PRKG1: variants seen among roughly 807,000 people sequenced by gnomAD.
PRKG1 encodes protein kinase cGMP-dependent 1.
In PRKG1, 35 loss-of-function variants were observed where a neutral mutation model predicts 88.1. The ratio of observed to expected loss-of-function variants is 0.40; its 90% CI spans 0.30 to 0.53. The LOEUF is 0.53. Among genes scored for constraint, PRKG1 ranks in the 20% least tolerant of loss-of-function variants. The pLI is 0.59. For missense variants in PRKG1, 540 were observed against 839.8 expected, an observed-to-expected ratio of 0.64 and a Z score of 4.41; for synonymous variants, 303 against 292.5, an observed-to-expected ratio of 1.04 and a Z score of -0.37.
At chr10:51,861,868 C>T in intron 4 of PRKG1, among the ~76,000 whole-genome samples, 2 of 152,324 alleles carry the variant, frequency 1.3e-5, no homozygotes, top group South Asian at 4.1e-4. Context: ...GGGTTTTGCT[C>T]AAGCCTGCTG....
At chr10:51,214,793 A>G (rs1838327592) in intron 2 of PRKG1, among the ~76,000 whole-genome samples, 1 of 152,106 alleles carries the variant, frequency 6.6e-6, no homozygotes, top group African/African-American at 2.4e-5. Context: ...AACAGCTGTC[A>G]AATATCAATG....
intron 1 of PRKG1, among the ~76,000 whole-genome samples, chr10:51,141,630 C>T (rs766913762): frequency 5.3e-5 from 8 of 152,136 alleles, no homozygotes; most frequent in Non-Finnish European, 1.0e-4. Flanking sequence ...TTTTAAAGGA[C>T]ATATGGTACA....
At chr10:51,533,071 C>T (rs78683808) in intron 3 of PRKG1, among the ~76,000 whole-genome samples, 2 of 152,170 alleles carry the variant, frequency 1.3e-5, no homozygotes, top group Non-Finnish European at 2.9e-5. Flanking sequence ...GTGAGGCTTT[C>T]ATGTTCTCAA....
intron 4 of PRKG1, among the ~76,000 whole-genome samples, chr10:51,828,873 C>T (rs1451395579): frequency 6.6e-6 from 1 of 152,206 alleles, no homozygotes; most frequent in Non-Finnish European, 1.5e-5. Context: ...GACATAATAT[C>T]CACATCAAAT....
intron 3 of PRKG1, among the ~76,000 whole-genome samples, chr10:51,494,465 G>A (rs918266021): frequency 2.0e-5 from 3 of 152,182 alleles, no homozygotes; most frequent in African/African-American, 7.2e-5. Flanking sequence ...TGATAGTAGG[G>A]AAGTTTTAGG....
chr10:51,609,604 A>G (rs1838852129), intron 3 of PRKG1, among the ~76,000 whole-genome samples: 1 of 152,200 alleles, frequency 6.6e-6, no homozygotes, highest in Non-Finnish European at 1.5e-5. Context: ...CCTATCAACA[A>G]CAGACTGGAT....
At chr10:51,082,762 G>A (rs10822189) in intron 1 of PRKG1, among the ~76,000 whole-genome samples, 34,155 of 151,764 alleles carry the variant, frequency 0.23, 3,940 homozygotes, top group Admixed American at 0.26. Context: ...CAAATTGTAC[G>A]TGTAGTTTAG....
Position 52,054,466 on chromosome 10 carries a change from A to AT in PRKG1, c.763-16dup. The AT allele has an allele frequency of 6.2e-7, 1 of 1,601,896 alleles. No individual in the cohort carries two copies. Among genetic ancestry groups the AT allele is most frequent in the Non-Finnish European group, 8.5e-7 (1 of 1,170,524 alleles). ...TACTGCTTGCTTAATTTTTTTTCTT[A>AT]TTGTTTCTACTTTTCAGACCCACTA... On this transcript the variant is annotated splice_polypyrimidine_tract_variant and intron_variant, in intron 5 of 17. Transcript: ENST00000373980.
chr10:51,893,028 C>T (rs573789004), intron 4 of PRKG1, among the ~76,000 whole-genome samples: 8 of 152,196 alleles, frequency 5.3e-5, no homozygotes, highest in African/African-American at 1.9e-4. Flanking sequence ...GTAAAACTTA[C>T]AGAGCAAAGA....
intron 3 of PRKG1, among the ~76,000 whole-genome samples, chr10:51,751,538 G>A (rs1837726267): frequency 6.6e-6 from 1 of 152,122 alleles, no homozygotes. Context: ...GGGTACAACT[G>A]AACTTTGGAT....
intron 3 of PRKG1, among the ~76,000 whole-genome samples, chr10:51,603,676 C>T (rs748288722): frequency 1.3e-5 from 2 of 152,150 alleles, no homozygotes; most frequent in African/African-American, 4.8e-5. Context: ...GGGGTACAAC[C>T]ATGAACAAGT....
intron 8 of PRKG1, among the ~76,000 whole-genome samples, chr10:52,148,756 G>A (rs183290441): frequency 8.3e-4 from 127 of 152,210 alleles, no homozygotes; most frequent in Admixed American, 4.4e-3. Flanking sequence ...GCTCACCGAG[G>A]ATGGGACCTG....
At chr10:51,539,584 C>T (rs1842249562) in intron 3 of PRKG1, among the ~76,000 whole-genome samples, 1 of 152,154 alleles carries the variant, frequency 6.6e-6, no homozygotes. Flanking sequence ...AACATTCACA[C>T]ATCCCTGATA....
At chr10:51,795,966 A>T (rs1185068964) in intron 3 of PRKG1, among the ~76,000 whole-genome samples, 1 of 152,146 alleles carries the variant, frequency 6.6e-6, no homozygotes, top group African/African-American at 2.4e-5. Context: ...TCTTTTAAGA[A>T]ATTTCAACTA....
intron 7 of PRKG1, among the ~76,000 whole-genome samples, chr10:52,080,000 G>A (rs1055131535): frequency 6.6e-6 from 1 of 152,082 alleles, no homozygotes; most frequent in Admixed American, 6.6e-5. Flanking sequence ...AAAGCACTTT[G>A]TTATATCCCA....
chr10:51,722,334 G>A (rs954042784), intron 3 of PRKG1, among the ~76,000 whole-genome samples: 3 of 151,880 alleles, frequency 2.0e-5, no homozygotes, highest in African/African-American at 7.3e-5. Flanking sequence ...TTAAACTGTG[G>A]ACAATTTACC....
At position 51,646,542 on chromosome 10, in the gene PRKG1, C is replaced by T. The variant is rs888854824; in HGVS notation, c.593-158043C>T. ...ATCAAAGCATGTTGATATATATTTACGTATATAAGCTTATATACTTACATC... is the reference window on the plus strand; with the variant it reads ...ATCAAAGCATGTTGATATATATTTATGTATATAAGCTTATATACTTACATC... On this transcript the variant is annotated intron_variant, in intron 3 of 17. Transcript: ENST00000373980. Among the ~76,000 whole-genome samples the T allele has an allele frequency of 7.2e-5, 11 of 151,838 alleles. No homozygotes were observed. The South Asian group carries it at 1.2e-3, about 17-fold the overall frequency.
intron 3 of PRKG1, among the ~76,000 whole-genome samples, chr10:51,759,008 T>C (rs6480455): frequency 0.41 from 61,787 of 151,896 alleles, 13,148 homozygotes; most frequent in Middle Eastern, 0.54. Context: ...CATCCATGTC[T>C]CTGCAAAGGA....
At chr10:52,234,683 G>A (rs1350205504) in intron 9 of PRKG1, among the ~76,000 whole-genome samples, 1 of 125,898 alleles carries the variant, frequency 7.9e-6, no homozygotes, top group African/African-American at 3.4e-5. Context: ...CCAAATCTAC[G>A]TCTGATTGGT....
Sources: allele counts gnomAD v4.1 joint callset (sites outside exome capture counted in the v4.1 genomes callset), GRCh38; gene constraint gnomAD v4.1.1; transcripts MANE v1.5; gene names NCBI Gene and HGNC (gene_info 2026-07-23, HGNC 2026-07-21).